The following TOR1AIP2 variants were observed in gnomAD, a reference collection of about 807,000 sequenced individuals.
The protein encoded by TOR1AIP2 is torsin 1A interacting protein 2.
A neutral mutation model predicts 32.6 loss-of-function variants in TOR1AIP2; 20 were observed. That is an observed-to-expected ratio of 0.61 (90% CI 0.43 to 0.89). The LOEUF (loss-of-function observed/expected upper bound fraction) is 0.89, where lower values mean the gene tolerates loss of function less well. TOR1AIP2 is among the 40% of genes least tolerant of loss of function. The pLI is 0.00. For missense variants in TOR1AIP2, 456 were observed against 553.8 expected, an observed-to-expected ratio of 0.82 and a Z score of 1.77; for synonymous variants, 214 against 210.8, an observed-to-expected ratio of 1.02 and a Z score of -0.13.
In TOR1AIP2 at chr1:179,840,878, A is replaced by G. The variant is rs1227169734; in HGVS notation, c.*5193T>C. 1 of 146,850 alleles carries G rather than the reference A, an allele frequency of 6.8e-6. No homozygotes were observed. The highest frequency in any genetic ancestry group is 1.5e-5 in the Non-Finnish European group (1 of 65,944). The allele number at this position is 146,850 out of a possible 1,614,324, so 9.1% of individuals were successfully genotyped here. The stretch of plus-strand genomic sequence containing the variant: ...CCTGCATGTTCTCCACATGTATCCC[A>G]GAACTTAAACTATAATAATAATAAT... On this transcript the variant is annotated 3_prime_UTR_variant, in exon 7 of 7. Transcript: ENST00000609928.
At chr1:179,863,737 CTTGATAATA>C (rs1696652030) in intron 3 of TOR1AIP2, 3 of 983,640 alleles carry the variant, frequency 3.0e-6, no homozygotes, top group South Asian at 4.7e-5. Context: ...AAGCTGGGAC[CTTGATAATA>C]TTGATAATAT....
At chr1:179,868,100 A>T (rs1468940603) in intron 2 of TOR1AIP2, 3 of 152,290 alleles carry the variant, frequency 2.0e-5, no homozygotes, top group Admixed American at 2.0e-4. Context: ...AGCTTCAATT[A>T]TCTGCTTGAA....
intron 2 of TOR1AIP2, chr1:179,868,594 A>T (rs1696887538): frequency 2.0e-5 from 3 of 152,196 alleles, no homozygotes; most frequent in Admixed American, 2.0e-4. Context: ...AAACATGAAT[A>T]AAAATATTCA....
chr1:179,859,110 G>T, intron 3 of TOR1AIP2: 1 of 985,224 alleles, frequency 1.0e-6, no homozygotes, highest in African/African-American at 1.7e-5. Context: ...GGGATAAAAA[G>T]AAACTGGTAT....
At chr1:179,875,514 C>T (rs999677876) in intron 2 of TOR1AIP2, 4 of 152,138 alleles carry the variant, frequency 2.6e-5, no homozygotes, top group Non-Finnish European at 5.9e-5. Flanking sequence ...CCCCAGAAGA[C>T]ACCAATGTTT....
chr1:179,843,718 G>A lies in TOR1AIP2; in HGVS notation c.*2353C>T, dbSNP rs1328919291. On this transcript the variant is annotated 3_prime_UTR_variant, in exon 7 of 7. Transcript: ENST00000609928. ...CACTTGTAGTCCCGGCTACTCAGGA[G>A]GCTAAGGTGGGAGGATTGCTTGAGC... 6.6e-6 allele frequency: 1 copy of A among 150,550 alleles called. No individual in the cohort carries two copies. Among genetic ancestry groups the A allele is most frequent in the Non-Finnish European group, 1.5e-5 (1 of 67,928 alleles). 9.3% of individuals were successfully genotyped at this position (150,550 alleles called of 1,614,324 possible).
rs1265328190 is a variant in TOR1AIP2 at position 179,852,634 on chromosome 1, T to A, written c.32A>T (p.Glu11Val). ...AGTGCCAGACAAATCAGTCTTACCC[T>A]CTTGAGGTTCCCTAAGTCCACTGTC... MADSGLREPQ[E>V]DSQKDLENDP... The change falls in exon 4 of 7, where the codon GAG becomes GTG. Residue 11 changes from glutamate to valine, a missense_variant and splice_region_variant. Glu to Val is a moderately radical substitution (Grantham distance 121). Coordinates refer to ENST00000609928, the MANE Select transcript of TOR1AIP2 (RefSeq NM_001199260.2). 1 of 1,614,080 alleles carries A rather than the reference T, an allele frequency of 6.2e-7. No homozygotes were observed. The highest frequency in any genetic ancestry group is 1.7e-5 in the Admixed American group (1 of 60,020).
intron 3 of TOR1AIP2, among the ~76,000 whole-genome samples, chr1:179,858,660 C>T (rs181494303): frequency 1.8e-4 from 27 of 152,288 alleles, no homozygotes; most frequent in African/African-American, 5.3e-4. Flanking sequence ...CCTTACATTA[C>T]GGAGTACGCT....
intron 2 of TOR1AIP2, chr1:179,869,021 T>C (rs761527592): frequency 3.9e-5 from 6 of 152,240 alleles, no homozygotes; most frequent in Non-Finnish European, 7.3e-5. Flanking sequence ...TTTGTATTTT[T>C]AGGAGAGACG....
rs1020000712 is a variant in TOR1AIP2 at position 179,859,632 on chromosome 1, TAA to T, written c.-147+5802_-147+5803del. The T allele has an allele frequency of 3.0e-6, 3 of 985,292 alleles. No homozygotes were observed. The African/African-American group carries it at 5.2e-5, about 17-fold the overall frequency. 61.0% of individuals were successfully genotyped at this position (985,292 alleles called of 1,614,324 possible). The stretch of plus-strand genomic sequence containing the variant: ...CAGTGTTGTGGAAAGTCTCAGGTGA[TAA>T]AAGTCATACAGCAATTATATCTACC... On this transcript the variant is annotated intron_variant, in intron 3 of 6. Coordinates refer to ENST00000609928, the MANE Select transcript of TOR1AIP2 (RefSeq NM_001199260.2).
At chr1:179,853,764 T>G (rs1320118250) in intron 3 of TOR1AIP2, among the ~76,000 whole-genome samples, 1 of 152,192 alleles carries the variant, frequency 6.6e-6, no homozygotes, top group African/African-American at 2.4e-5. Flanking sequence ...AAGAACTCCA[T>G]ATTTTAACTT....
intron 3 of TOR1AIP2, among the ~76,000 whole-genome samples, chr1:179,856,379 T>C (rs559182691): frequency 6.6e-6 from 1 of 152,344 alleles, no homozygotes; most frequent in South Asian, 2.1e-4. Context: ...CCATCACAGA[T>C]ATTTCTATTA....
rs200595534 is a variant in TOR1AIP2 at position 179,846,101 on chromosome 1, A to T, written c.1383T>A (p.Ser461Arg). The T allele has an allele frequency of 1.4e-5, 23 of 1,614,134 alleles. No homozygotes were observed. The highest frequency in any genetic ancestry group is 8.5e-7 in the Non-Finnish European group (1 of 1,180,018). Residue 461 changes from serine to arginine, a missense_variant, in exon 7 of 7, where the codon AGT becomes AGA. By Grantham distance (110) the Ser-to-Arg change is moderately radical. Coordinates refer to ENST00000609928, the MANE Select transcript of TOR1AIP2 (RefSeq NM_001199260.2). ...SHLVLPVQPV[S>R]SIEEQGCLF ...AAAGGCACCCCTGTTCTTCTATGCT[A>T]CTCACTGGCTGGACTGGCAGTACCA...
At chr1:179,851,522 AAAC>A (rs1300372062) in intron 4 of TOR1AIP2, among the ~76,000 whole-genome samples, 159 bp from the exon 5 acceptor site, 2 of 152,194 alleles carry the variant, frequency 1.3e-5, no homozygotes, top group African/African-American at 2.4e-5. Flanking sequence ...AAGGCAATTA[AAAC>A]AACAACAAAA....
intron 5 of TOR1AIP2, among the ~76,000 whole-genome samples, chr1:179,848,499 C>A (rs958695302): frequency 6.6e-6 from 1 of 152,092 alleles, no homozygotes; most frequent in African/African-American, 2.4e-5. Context: ...AGAAAATTCA[C>A]GAAATATGTA....
intron 3 of TOR1AIP2, chr1:179,864,512 G>C (rs1696686872): frequency 2.6e-6 from 3 of 1,154,670 alleles, no homozygotes; most frequent in Non-Finnish European, 3.2e-6. Context: ...GGAGTGGTAA[G>C]TTAGTTCCAA....
chr1:179,864,409 A>G (rs1696682450), intron 3 of TOR1AIP2: 1 of 995,518 alleles, frequency 1.0e-6, no homozygotes. Context: ...AAAAGTTATC[A>G]TTAGAAATAC....
intron 3 of TOR1AIP2, chr1:179,858,891 T>A (rs1696408230): frequency 2.4e-6 from 1 of 423,656 alleles, no homozygotes. Flanking sequence ...AGGGTAGGTA[T>A]CAGGAAGTAC....
intron 3 of TOR1AIP2, among the ~76,000 whole-genome samples, chr1:179,854,928 G>A (rs1006063554): frequency 2.0e-5 from 3 of 151,990 alleles, no homozygotes; most frequent in Admixed American, 1.3e-4. Flanking sequence ...ACTAGCACAC[G>A]AATAGACAAA....
Sources: gnomAD v4.1 joint callset for allele counts (sites outside exome capture counted in the v4.1 genomes callset) on GRCh38, gnomAD v4.1.1 for gene constraint, MANE v1.5 for transcripts, NCBI Gene and HGNC (gene_info 2026-07-23, HGNC 2026-07-21) for gene names.